The following AOAH variants were observed in gnomAD, a reference collection of about 807,000 sequenced individuals.
AOAH encodes acyloxyacyl hydrolase (neutrophil).
A neutral mutation model predicts 92.2 loss-of-function variants in AOAH; 64 were observed. The observed-to-expected ratio is 0.69, with a 90% CI of 0.57 to 0.86. The LOEUF (loss-of-function observed/expected upper bound fraction) is 0.86, where lower values mean the gene tolerates loss of function less well. AOAH is among the 40% of genes least tolerant of loss of function. The pLI is 0.00. For missense variants in AOAH, 656 were observed against 694.6 expected (o/e 0.94, Z 0.62); for synonymous variants, 263 against 254.5 (o/e 1.03, Z -0.32).
intron 4 of AOAH, among the ~76,000 whole-genome samples, chr7:36,638,989 TG>T (rs1793712242): frequency 1.3e-5 from 2 of 152,214 alleles, no homozygotes; most frequent in Non-Finnish European, 2.9e-5. Flanking sequence ...CCGTCAACTA[TG>T]GGGCCACTGT....
chr7:36,691,414 T>C (rs985631952), intron 1 of AOAH, among the ~76,000 whole-genome samples: 7 of 152,222 alleles, frequency 4.6e-5, no homozygotes, highest in African/African-American at 1.4e-4. Context: ...TCAGAGAGCA[T>C]GGCACACAAC....
intron 12 of AOAH, among the ~76,000 whole-genome samples, chr7:36,577,288 A>T (rs201709439): frequency 6.6e-6 from 1 of 152,156 alleles, no homozygotes. Context: ...TTCTTAGGAA[A>T]TGATTGAATG....
chr7:36,535,098 TTGTG>T (rs201177104), intron 16 of AOAH, among the ~76,000 whole-genome samples: 14,236 of 114,202 alleles, frequency 0.12, 797 homozygotes, highest in East Asian at 0.22. Context: ...GTGTGTGTGT[TTGTG>T]TGTGTCTGTG....
intron 16 of AOAH, among the ~76,000 whole-genome samples, chr7:36,537,307 A>G (rs1167185016): frequency 7.5e-6 from 1 of 133,304 alleles, no homozygotes; most frequent in African/African-American, 2.8e-5. Context: ...TCTTCCTTCC[A>G]TTTTGTGCTG....
intron 1 of AOAH, among the ~76,000 whole-genome samples, chr7:36,709,737 G>C (rs1247771939): frequency 6.6e-6 from 1 of 151,420 alleles, no homozygotes. Flanking sequence ...TCCTAACATT[G>C]AAAAACAACT....
chr7:36,665,353 A>T (rs927352547), intron 3 of AOAH, among the ~76,000 whole-genome samples: 13 of 152,100 alleles, frequency 8.5e-5, no homozygotes, highest in African/African-American at 3.1e-4. Flanking sequence ...CATTGTTGAT[A>T]TATAGGAAAG....
At chr7:36,575,322 T>C (rs1315813885) in intron 13 of AOAH, among the ~76,000 whole-genome samples, 1 of 152,212 alleles carries the variant, frequency 6.6e-6, no homozygotes, top group Non-Finnish European at 1.5e-5. Flanking sequence ...GTGTCTCCTC[T>C]GTAACTTACT....
intron 2 of AOAH, among the ~76,000 whole-genome samples, chr7:36,677,414 C>T (rs1796320980): frequency 6.6e-6 from 1 of 152,140 alleles, no homozygotes; most frequent in South Asian, 2.1e-4. Context: ...CTATAATGTG[C>T]TATAATAAAA....
At chr7:36,515,133 C>T (rs1783524405) in intron 20 of AOAH, among the ~76,000 whole-genome samples, 1 of 145,110 alleles carries the variant, frequency 6.9e-6, no homozygotes, top group African/African-American at 2.6e-5. Context: ...CACCCCCACA[C>T]ACACACCACA....
intron 13 of AOAH, 144 bp from the exon 14 acceptor site, chr7:36,549,619 A>G: frequency 1.7e-6 from 1 of 590,422 alleles, no homozygotes; most frequent in Non-Finnish European, 3.0e-6. Flanking sequence ...GATGGAAATA[A>G]TTTTCTTCCA....
chr7:36,557,979 T>C (rs368277600), intron 13 of AOAH, among the ~76,000 whole-genome samples: 11,311 of 152,276 alleles, frequency 0.074, 502 homozygotes, highest in Non-Finnish European at 0.084. Context: ...CCTTCTTCTC[T>C]CAACTCGTCA....
intron 13 of AOAH, among the ~76,000 whole-genome samples, chr7:36,556,623 C>CTCTTTGTA (rs1786740111): frequency 6.8e-6 from 1 of 146,576 alleles, no homozygotes; most frequent in East Asian, 2.0e-4. Flanking sequence ...GAGTCTAAGT[C>CTCTTTGTA]TCTTTGTAGG....
chr7:36,673,980 AATAGCAG>A lies in AOAH; in HGVS notation c.246_252del (p.Cys83Ter). 7 of 1,610,858 alleles carry A rather than the reference AATAGCAG, an allele frequency of 4.3e-6. No individual in the cohort carries two copies. The highest frequency in any genetic ancestry group is 5.9e-6 in the Non-Finnish European group (7 of 1,177,396). ...TCTGATCCAAACTTGTCAATGACTA[AATAGCAG>A]GTGGTTTTCAAGAACAGTTTTTCTA... On this transcript the variant is annotated frameshift_variant, in exon 3 of 21. Coordinates refer to ENST00000617537, the MANE Select transcript of AOAH (RefSeq NM_001637.4). LOFTEE classifies it high-confidence loss of function.
rs1051116564 is a variant in AOAH, at chr7:36,625,961, C to T, written c.522-2711G>A. On this transcript the variant is annotated intron_variant, in intron 6 of 20. Coordinates refer to ENST00000617537, the MANE Select transcript of AOAH (RefSeq NM_001637.4). ...CACTTTAATCATCTGTCAAGAAATG[C>T]GGAAAAAGCTTGGACCAAATGACTT... Among the ~76,000 whole-genome samples the T allele has an allele frequency of 3.3e-5, 5 of 152,170 alleles. No individual in the cohort carries two copies. The East Asian group carries it at 7.7e-4, about 23-fold the overall frequency.
chr7:36,604,753 C>T (rs1790876511), intron 11 of AOAH, among the ~76,000 whole-genome samples: 1 of 152,188 alleles, frequency 6.6e-6, no homozygotes, highest in South Asian at 2.1e-4. Flanking sequence ...CTCTGGATTA[C>T]TACATAAAAG....
intron 3 of AOAH, among the ~76,000 whole-genome samples, chr7:36,666,958 A>G (rs545633358): frequency 6.6e-6 from 1 of 152,304 alleles, no homozygotes; most frequent in East Asian, 1.9e-4. Flanking sequence ...TTTAAATTAA[A>G]ATGTGTTTTA....
chr7:36,535,110 G>T (rs1162956775), intron 16 of AOAH, among the ~76,000 whole-genome samples: 1 of 150,986 alleles, frequency 6.6e-6, no homozygotes, highest in Non-Finnish European at 1.5e-5. Flanking sequence ...GTGTGTGTCT[G>T]TGTCTGTGTG....
At chr7:36,513,718 C>T (rs1453738591) in intron 20 of AOAH, among the ~76,000 whole-genome samples, 2 of 152,166 alleles carry the variant, frequency 1.3e-5, no homozygotes, top group African/African-American at 4.8e-5. Context: ...GCTCCTCAGT[C>T]CTGCAGTCTC....
chr7:36,523,421 T>C (rs574464069), intron 19 of AOAH, among the ~76,000 whole-genome samples: 1 of 152,200 alleles, frequency 6.6e-6, no homozygotes, highest in Non-Finnish European at 1.5e-5. Flanking sequence ...TCTGAAGGAA[T>C]GGTAGGTACC....
Sources: allele counts gnomAD v4.1 joint callset (sites outside exome capture counted in the v4.1 genomes callset), GRCh38; gene constraint gnomAD v4.1.1; transcripts MANE v1.5; gene names NCBI Gene and HGNC (gene_info 2026-07-23, HGNC 2026-07-21).